Variants in DMD observed in about 807,000 individuals in gnomAD.
The protein encoded by DMD is dystrophin, also known as mutant dystrophin.
DMD carries 63 observed loss-of-function variants against 330.1 expected under a neutral mutation model. The observed-to-expected ratio is 0.19, with a 90% CI of 0.16 to 0.24. The LOEUF (loss-of-function observed/expected upper bound fraction) is 0.24. Among genes scored for constraint, DMD ranks in the 10% least tolerant of loss-of-function variants. DMD has a pLI of 1.00. For synonymous variants in DMD, 1,223 were observed against 959.8 expected (o/e 1.27, Z -5.07); for missense variants, 3,344 against 2,684.1 (o/e 1.25, Z -5.43).
chrX:31,675,447 C>A, intron 53 of DMD, among the ~76,000 whole-genome samples: 1 of 112,063 alleles, frequency 8.9e-6, no homozygotes, highest in South Asian at 3.7e-4. Context: ...ACTGCAACCT[C>A]CGCCTCCCGG....
chrX:31,955,320 T>C (rs185744306), intron 45 of DMD, among the ~76,000 whole-genome samples: 11 of 112,443 alleles, frequency 9.8e-5, no homozygotes, highest in Non-Finnish European at 1.9e-4. Flanking sequence ...ACTTTCTTAT[T>C]TGTTCTACCC....
intron 17 of DMD, among the ~76,000 whole-genome samples, chrX:32,540,701 A>G (rs1008281892): frequency 3.6e-5 from 4 of 112,106 alleles, no homozygotes; most frequent in African/African-American, 1.3e-4. Flanking sequence ...GTGTAATAAT[A>G]GGCTTCCTTT....
intron 1 of DMD, among the ~76,000 whole-genome samples, chrX:33,313,971 A>G (rs920210024): frequency 9.2e-6 from 1 of 109,221 alleles, no homozygotes; most frequent in Non-Finnish European, 1.9e-5. Flanking sequence ...CTAGAACAGA[A>G]TGTAGTATGT....
At chrX:32,822,429 T>C (rs752686030) in intron 5 of DMD, among the ~76,000 whole-genome samples, 1 of 110,294 alleles carries the variant, frequency 9.1e-6, no homozygotes, top group South Asian at 3.8e-4. Flanking sequence ...ATTACGTATA[T>C]ATATACAATG....
At chrX:31,693,464 G>A (rs939149825) in intron 52 of DMD, among the ~76,000 whole-genome samples, 17 of 111,381 alleles carry the variant, frequency 1.5e-4, no homozygotes, top group African/African-American at 4.6e-4. Flanking sequence ...CAACCAAACT[G>A]AAAAGGATGA....
intron 16 of DMD, among the ~76,000 whole-genome samples, chrX:32,563,827 A>G (rs962160016): frequency 1.8e-5 from 2 of 112,127 alleles, no homozygotes; most frequent in African/African-American, 6.5e-5. Context: ...GAAAACCAGA[A>G]TGTTGGGATT....
intron 55 of DMD, among the ~76,000 whole-genome samples, chrX:31,591,269 A>G (rs1258981228): frequency 9.0e-6 from 1 of 111,373 alleles, no homozygotes. Context: ...TCTACTGGGC[A>G]GAGCTGCTGT....
intron 1 of DMD, among the ~76,000 whole-genome samples, chrX:33,298,586 T>C (rs183232892): frequency 8.9e-6 from 1 of 111,847 alleles, no homozygotes; most frequent in African/African-American, 3.2e-5. Context: ...TCGGACACTT[T>C]AGGAAAATCT....
At chrX:31,522,363 C>CTCTCTCTCTCTCTCTCTCTCTCTCTCTA in intron 55 of DMD, among the ~76,000 whole-genome samples, 2 of 35,962 alleles carry the variant, frequency 5.6e-5, no homozygotes, top group Non-Finnish European at 8.3e-5. Context: ...CTCTCTCTCT[C>CTCTCTCTCTCTCTCTCTCTCTCTCTCTA]TATATATATA....
chrX:32,969,421 T>G (rs2092307401), intron 2 of DMD, among the ~76,000 whole-genome samples: 1 of 92,832 alleles, frequency 1.1e-5, no homozygotes, highest in African/African-American at 4.9e-5. Context: ...ATGTACCACA[T>G]ACATAGATAA....
intron 62 of DMD, among the ~76,000 whole-genome samples, chrX:31,294,413 T>C (rs912384582): frequency 4.4e-5 from 5 of 112,462 alleles, no homozygotes; most frequent in African/African-American, 1.6e-4. Context: ...ATATATCCTC[T>C]ACCCGAACAT....
At chrX:32,766,538 A>G (rs938668857) in intron 7 of DMD, among the ~76,000 whole-genome samples, 8 of 111,025 alleles carry the variant, frequency 7.2e-5, no homozygotes, top group African/African-American at 2.6e-4. Context: ...ATTTCTGTAT[A>G]TTGATTTTAT....
intron 76 of DMD, among the ~76,000 whole-genome samples, chrX:31,139,803 G>A (rs897455389): frequency 2.7e-5 from 3 of 111,138 alleles, no homozygotes; most frequent in Admixed American, 1.9e-4. Flanking sequence ...AATCACCACC[G>A]AAGAACTTAT....
chrX:31,196,399 G>A (rs1448962854), intron 67 of DMD, among the ~76,000 whole-genome samples: 5 of 110,969 alleles, frequency 4.5e-5, no homozygotes, highest in East Asian at 5.6e-4. Flanking sequence ...GTATTCATCC[G>A]TCCAAAAGGG....
intron 4 of DMD, among the ~76,000 whole-genome samples, chrX:32,833,259 C>T (rs1216061282): frequency 9.0e-6 from 1 of 111,056 alleles, no homozygotes; most frequent in East Asian, 2.8e-4. Flanking sequence ...TGTTTATATA[C>T]TGCCTCTTTG....
intron 1 of DMD, among the ~76,000 whole-genome samples, chrX:33,268,142 A>G (rs2053080891): frequency 9.1e-6 from 1 of 109,830 alleles, no homozygotes; most frequent in South Asian, 3.9e-4. Flanking sequence ...GGCGTCTGCC[A>G]CCACACCCGG....
intron 45 of DMD, 22 bp from the exon 46 acceptor site, chrX:31,932,249 T>C (rs781146108): frequency 1.7e-6 from 2 of 1,152,438 alleles, no homozygotes; most frequent in South Asian, 1.8e-5. Context: ...AGAATAAAAT[T>C]GTTATTTTTT....
chrX:33,042,132 G>GA (rs910083270), intron 1 of DMD, among the ~76,000 whole-genome samples: 2 of 110,155 alleles, frequency 1.8e-5, no homozygotes, highest in Non-Finnish European at 1.9e-5. Flanking sequence ...ATTTTCCATG[G>GA]AAAAAAAAGA....
At chrX:31,354,608 T>C (rs993350341) in intron 60 of DMD, among the ~76,000 whole-genome samples, 1 of 112,049 alleles carries the variant, frequency 8.9e-6, no homozygotes, top group African/African-American at 3.2e-5. Context: ...GAGGGCTATA[T>C]ATTATTCTCC....
Sources: allele counts gnomAD v4.1 joint callset (sites outside exome capture counted in the v4.1 genomes callset), GRCh38; gene constraint gnomAD v4.1.1; transcripts MANE v1.5; gene names NCBI Gene and HGNC (gene_info 2026-07-23, HGNC 2026-07-21).